Variants in WARS2 observed in about 807,000 individuals in gnomAD.
WARS2 encodes the protein tryptophanyl tRNA synthetase 2, mitochondrial, also known as tryptophan--tRNA ligase, mitochondrial.
A neutral mutation model predicts 36.5 loss-of-function variants in WARS2; 28 were observed. The observed-to-expected ratio is 0.77, with a 90% CI of 0.57 to 1.05. WARS2 has a LOEUF of 1.05. Ranked by LOEUF, WARS2 falls within the 50% of genes least tolerant of loss-of-function variation. The pLI, the probability that WARS2 is intolerant of heterozygous loss-of-function variation, is 0.00. For synonymous variants in WARS2, 174 were observed against 178.4 expected, an observed-to-expected ratio of 0.98 and a Z score of 0.20; for missense variants, 435 against 456.8, an observed-to-expected ratio of 0.95 and a Z score of 0.44.
chr1:119,089,262 T>G (rs1271837632), intron 1 of WARS2, among the ~76,000 whole-genome samples: 3 of 152,216 alleles, frequency 2.0e-5, no homozygotes, highest in Admixed American at 1.3e-4. Context: ...CAGCTAATCA[T>G]GGCTCCCTTT....
chr1:119,135,843 G>A (rs180697191), intron 1 of WARS2, among the ~76,000 whole-genome samples: 25 of 152,022 alleles, frequency 1.6e-4, no homozygotes, highest in African/African-American at 5.8e-4. Flanking sequence ...TGGCACAATC[G>A]CTGCTCACTG....
intron 1 of WARS2, among the ~76,000 whole-genome samples, chr1:119,102,396 C>T (rs1402629293): frequency 6.6e-6 from 1 of 152,192 alleles, no homozygotes; most frequent in Admixed American, 6.5e-5. Context: ...AACTTTTCTA[C>T]TTCGTACTTG....
chr1:119,032,738 G>T lies in WARS2; in HGVS notation c.*173C>A. 1 of 648,776 alleles carries T rather than the reference G, an allele frequency of 1.5e-6. No homozygotes were observed. Among genetic ancestry groups the T allele is most frequent in the South Asian group, 2.1e-5 (1 of 46,580 alleles). The allele number at this position is 648,776 out of a possible 1,614,324, so 40.2% of individuals were successfully genotyped here. ...CACAGCATTTTGTTGATGGGATTTG[G>T]AACACTGTCGTATTTCAAAGCTACA... On this transcript the variant is annotated 3_prime_UTR_variant, in exon 6 of 6. Coordinates refer to ENST00000235521, the MANE Select transcript of WARS2 (RefSeq NM_015836.4).
At chr1:119,045,489 C>G in intron 3 of WARS2, 93 bp downstream of exon 3, 1 of 1,063,144 alleles carries the variant, frequency 9.4e-7, no homozygotes, top group Non-Finnish European at 1.4e-6. Flanking sequence ...GAGTGGCAGA[C>G]CAGGGAGGAG....
chr1:119,034,455 C>T (rs374139047), intron 4 of WARS2, among the ~76,000 whole-genome samples: 2 of 152,188 alleles, frequency 1.3e-5, no homozygotes, highest in African/African-American at 2.4e-5. Context: ...TCAACACCAG[C>T]ATGACAGGAT....
intron 1 of WARS2, 119 bp downstream of exon 1, chr1:119,140,436 G>T: frequency 1.2e-6 from 1 of 868,638 alleles, no homozygotes; most frequent in Non-Finnish European, 1.8e-6. Context: ...TAGACCTTAG[G>T]CGAGGGAAGG....
chr1:119,117,060 C>T lies in WARS2; in HGVS notation c.90+23495G>A, dbSNP rs114866683. Among the ~76,000 whole-genome samples, 1,293 of 152,264 alleles carry T rather than the reference C, an allele frequency of 8.5e-3. 16 individuals carry two copies. The highest frequency in any genetic ancestry group is 0.03 in the African/African-American group (1,231 of 41,554). On this transcript the variant is annotated intron_variant, in intron 1 of 5. Transcript: ENST00000235521. ...AGATCTCAGCCCTGCTCTCCTGCTG[C>T]CTGGATATAAACTCAGTGCAGTTAG...
chr1:119,108,544 TTATGA>T (rs71586671), intron 1 of WARS2, among the ~76,000 whole-genome samples: 55,774 of 151,222 alleles, frequency 0.37, 11,114 homozygotes, highest in East Asian at 0.79. Context: ...CTTCTTTCAT[TTATGA>T]TATAAGTAAT....
chr1:119,123,741 CTT>C (rs1655476304), intron 1 of WARS2, among the ~76,000 whole-genome samples: 1 of 152,180 alleles, frequency 6.6e-6, no homozygotes, highest in Non-Finnish European at 1.5e-5. Flanking sequence ...ATCCCAACCT[CTT>C]AATGTTGGAA....
At chr1:119,102,432 C>A (rs891871120) in intron 1 of WARS2, among the ~76,000 whole-genome samples, 2 of 152,206 alleles carry the variant, frequency 1.3e-5, no homozygotes, top group Non-Finnish European at 2.9e-5. Flanking sequence ...AGATAACCAT[C>A]CTCTGTCTTT....
intron 2 of WARS2, among the ~76,000 whole-genome samples, chr1:119,052,603 A>ATAAGTAGCTTCTGTCAGG (rs1649458629): frequency 6.6e-6 from 1 of 152,214 alleles, no homozygotes; most frequent in African/African-American, 2.4e-5. Context: ...CCAAAGTTAA[A>ATAAGTAGCTTCTGTCAGG]TAAGTAGCTT....
intron 1 of WARS2, chr1:119,085,430 T>TA: frequency 2.0e-6 from 3 of 1,490,626 alleles, no homozygotes; most frequent in Non-Finnish European, 2.8e-6. Flanking sequence ...GCTCTGCCTG[T>TA]ACCTCCCAGT....
chr1:119,137,049 T>C (rs1656557695), intron 1 of WARS2, among the ~76,000 whole-genome samples: 2 of 152,130 alleles, frequency 1.3e-5, no homozygotes, highest in South Asian at 4.1e-4. Flanking sequence ...AGAAGAGACA[T>C]GAAAGCTAAA....
At chr1:119,111,661 C>T (rs1340090350) in intron 1 of WARS2, among the ~76,000 whole-genome samples, 2 of 152,126 alleles carry the variant, frequency 1.3e-5, no homozygotes, top group African/African-American at 4.8e-5. Context: ...ATGTAGGCTT[C>T]CCCACATGAC....
chr1:119,091,617 CT>C (rs1430463727), intron 1 of WARS2, among the ~76,000 whole-genome samples: 1 of 152,178 alleles, frequency 6.6e-6, no homozygotes, highest in Non-Finnish European at 1.5e-5. Flanking sequence ...AGATAACTGA[CT>C]GCTTGATATA....
At chr1:119,078,581 G>C (rs1651916820) in intron 1 of WARS2, among the ~76,000 whole-genome samples, 1 of 152,102 alleles carries the variant, frequency 6.6e-6, no homozygotes, top group Non-Finnish European at 1.5e-5. Context: ...GATTATTAAA[G>C]AAGTTGGGAA....
At chr1:119,128,607 C>T (rs1314436405) in intron 1 of WARS2, among the ~76,000 whole-genome samples, 5 of 149,530 alleles carry the variant, frequency 3.3e-5, no homozygotes, top group Non-Finnish European at 5.9e-5. Context: ...GCGCCCCCCA[C>T]AATATACATG....
intron 2 of WARS2, among the ~76,000 whole-genome samples, chr1:119,053,231 A>C (rs1236210157): frequency 6.6e-6 from 1 of 152,158 alleles, no homozygotes; most frequent in Non-Finnish European, 1.5e-5. Flanking sequence ...GAAGAGGAAA[A>C]ATGGAGAAGG....
At chr1:119,084,741 T>C (rs1341572515) in intron 1 of WARS2, among the ~76,000 whole-genome samples, 1 of 152,140 alleles carries the variant, frequency 6.6e-6, no homozygotes, top group East Asian at 1.9e-4. Context: ...CTTCAATTGG[T>C]TCTACGGGTT....
Sources: allele counts gnomAD v4.1 joint callset (sites outside exome capture counted in the v4.1 genomes callset), GRCh38; gene constraint gnomAD v4.1.1; transcripts MANE v1.5; gene names NCBI Gene and HGNC (gene_info 2026-07-23, HGNC 2026-07-21).